DCUN1D5: variants seen among roughly 807,000 people sequenced by gnomAD.
DCUN1D5 encodes defective in cullin neddylation 1 domain containing 5, also known as DCN1-like protein 5.
DCUN1D5 carries 10 observed loss-of-function variants against 38.3 expected under a neutral mutation model. The ratio of observed to expected loss-of-function variants is 0.26; its 90% CI spans 0.16 to 0.44. The LOEUF (loss-of-function observed/expected upper bound fraction) is 0.44, where lower values mean the gene tolerates loss of function less well. Ranked by LOEUF, DCUN1D5 falls within the 20% of genes least tolerant of loss-of-function variation. The pLI is 1.00. For missense variants in DCUN1D5, 148 were observed against 275.3 expected, an observed-to-expected ratio of 0.54 and a Z score of 3.27; for synonymous variants, 93 against 90.9, an observed-to-expected ratio of 1.02 and a Z score of -0.13.
At chr11:103,080,986 C>A (rs917935907) in intron 4 of DCUN1D5, among the ~76,000 whole-genome samples, 2 of 150,368 alleles carry the variant, frequency 1.3e-5, no homozygotes, top group African/African-American at 2.4e-5. Context: ...TGTAGCCTGG[C>A]GACAAAGCAA....
In DCUN1D5 at chr11:103,062,465, A is replaced by C; in HGVS notation, c.659-51T>G. 6.5e-7 allele frequency: 1 copy of C among 1,536,490 alleles called. No homozygotes were observed. Among genetic ancestry groups the C allele is most frequent in the Non-Finnish European group, 9.0e-7 (1 of 1,115,968 alleles). On this transcript the variant is annotated intron_variant, in intron 7 of 7. Coordinates refer to ENST00000260247, the MANE Select transcript of DCUN1D5 (RefSeq NM_032299.4). The surrounding 1 kb of genome is among the most constrained non-coding windows in gnomAD (Gnocchi z 4.6). Reference sequence around the variant, plus strand: ...CAGAATTCAGTGAACTCATCTCTCCAATTATAAAACAAACTCCCCACGAGC... The same window carrying C: ...CAGAATTCAGTGAACTCATCTCTCCCATTATAAAACAAACTCCCCACGAGC...
In DCUN1D5 at chr11:103,077,962, C is replaced by A. The variant is rs113445747; in HGVS notation, c.341+4786G>T. Reference sequence around the variant, plus strand: ...CCCCAAATGCTAAATGAATGACAGTCACATCACACACGATGGCATTTCATT... The same window carrying A: ...CCCCAAATGCTAAATGAATGACAGTAACATCACACACGATGGCATTTCATT... On this transcript the variant is annotated intron_variant, in intron 4 of 7. Transcript: ENST00000260247. This position sits in a 1 kb window ranked among gnomAD's most constrained non-coding sequence, Gnocchi z 4.3. Among the ~76,000 whole-genome samples the A allele has an allele frequency of 2.6e-5, 4 of 152,184 alleles. No individual in the cohort carries two copies. The highest frequency in any genetic ancestry group is 9.6e-5 in the African/African-American group (4 of 41,514).
chr11:103,089,494 T>C (rs749094156), intron 1 of DCUN1D5, among the ~76,000 whole-genome samples, 176 bp from the exon 2 acceptor site: 21 of 152,166 alleles, frequency 1.4e-4, no homozygotes, highest in Admixed American at 1.1e-3. Flanking sequence ...CAGTAGTCTA[T>C]ACATAAGAAT....
In DCUN1D5 at chr11:103,092,132, G is replaced by A. The variant is rs1361445766; in HGVS notation, c.-260C>T. 2 of 442,730 alleles carry A rather than the reference G, an allele frequency of 4.5e-6. No individual in the cohort carries two copies. Among genetic ancestry groups the A allele is most frequent in the African/African-American group, 4.1e-5 (2 of 48,972 alleles). 27.4% of individuals were successfully genotyped at this position (442,730 alleles called of 1,614,324 possible). ...TCACCGGGAGGAGATAACGCGGACAGCGCGGCAGCTCCACCAGTCACAGCA... is the reference window on the plus strand; with the variant it reads ...TCACCGGGAGGAGATAACGCGGACAACGCGGCAGCTCCACCAGTCACAGCA... On this transcript the variant is annotated 5_prime_UTR_variant, in exon 1 of 8. Coordinates refer to ENST00000260247, the MANE Select transcript of DCUN1D5 (RefSeq NM_032299.4).
At chr11:103,082,979 A>G in intron 3 of DCUN1D5, 140 bp from the exon 4 acceptor site, 2 of 676,432 alleles carry the variant, frequency 3.0e-6, no homozygotes. Flanking sequence ...ATTATTAACT[A>G]TATACAAAGA....
At position 103,079,705 on chromosome 11, in the gene DCUN1D5, G is replaced by A. The variant is rs188182517; in HGVS notation, c.341+3043C>T. Among the ~76,000 whole-genome samples the A allele has an allele frequency of 2.5e-3, 378 of 151,534 alleles. 1 individual carries two copies. The highest frequency in any genetic ancestry group is 8.7e-3 in the African/African-American group (360 of 41,250). On this transcript the variant is annotated intron_variant, in intron 4 of 7. Coordinates refer to ENST00000260247, the MANE Select transcript of DCUN1D5 (RefSeq NM_032299.4). ...AGGCTGAAGTGGGAGGATTACTTGAGCCCAGGAGATTAGGTTGCAGTGAGC... is the reference window on the plus strand; with the variant it reads ...AGGCTGAAGTGGGAGGATTACTTGAACCCAGGAGATTAGGTTGCAGTGAGC...
intron 4 of DCUN1D5, among the ~76,000 whole-genome samples, chr11:103,080,473 C>A (rs1862530747): frequency 6.6e-6 from 1 of 151,950 alleles, no homozygotes; most frequent in African/African-American, 2.4e-5. Context: ...TGAAGAAAAA[C>A]ACTTTGTATT....
At chr11:103,089,950 A>T (rs908111597) in intron 1 of DCUN1D5, among the ~76,000 whole-genome samples, 3 of 150,318 alleles carry the variant, frequency 2.0e-5, no homozygotes, top group Non-Finnish European at 4.4e-5. Flanking sequence ...TTTTTTTCAT[A>T]AAATCATTTT....
Position 103,064,411 on chromosome 11 carries a change from AT to A in DCUN1D5, c.556-35del. 6.7e-7 allele frequency: 1 copy of A among 1,492,300 alleles called. No homozygotes were observed. The highest frequency in any genetic ancestry group is 9.1e-7 in the Non-Finnish European group (1 of 1,098,278). 92.4% of individuals were successfully genotyped at this position (1,492,300 alleles called of 1,614,324 possible). On this transcript the variant is annotated intron_variant, in intron 6 of 7. Coordinates refer to ENST00000260247, the MANE Select transcript of DCUN1D5 (RefSeq NM_032299.4). The surrounding 1 kb of genome is among the most constrained non-coding windows in gnomAD (Gnocchi z 4.5). The stretch of plus-strand genomic sequence containing the variant: ...ATGATTTAAATATTTGTATTTAAAT[AT>A]TTAAACAAACATCATTTACTCAATT...
Position 103,066,639 on chromosome 11 carries a change from C to T in DCUN1D5, c.342-72G>A, listed in dbSNP as rs1407345523. The T allele has an allele frequency of 1.3e-5, 11 of 850,928 alleles. No individual in the cohort carries two copies. Among genetic ancestry groups the T allele is most frequent in the Middle Eastern group, 3.5e-4 (1 of 2,844 alleles). The allele number at this position is 850,928 out of a possible 1,614,324, so 52.7% of individuals were successfully genotyped here. A position where few individuals can be genotyped will look rare whatever the true frequency, so the allele number is the denominator to read the frequency against. On this transcript the variant is annotated intron_variant, in intron 4 of 7. Transcript: ENST00000260247. This position sits in a 1 kb window ranked among gnomAD's most constrained non-coding sequence, Gnocchi z 4.7. Reference sequence around the variant, plus strand: ...AATAAAAGTATCACTGGGGGTTAGACGTAATGCATTAAGAAAAAAGTGAGC... The same window carrying T: ...AATAAAAGTATCACTGGGGGTTAGATGTAATGCATTAAGAAAAAAGTGAGC...
At position 103,078,221 on chromosome 11, in the gene DCUN1D5, G is replaced by C. The variant is rs1224963223; in HGVS notation, c.341+4527C>G. 6.6e-6 allele frequency among the ~76,000 whole-genome samples: 1 copy of C among 152,056 alleles called. No individual in the cohort carries two copies. The highest frequency in any genetic ancestry group is 1.5e-5 in the Non-Finnish European group (1 of 67,994). On this transcript the variant is annotated intron_variant, in intron 4 of 7. Coordinates refer to ENST00000260247, the MANE Select transcript of DCUN1D5 (RefSeq NM_032299.4). The surrounding 1 kb of genome is among the most constrained non-coding windows in gnomAD (Gnocchi z 4.6). ...ATAATCAAGTACGGTCCTCTTCAAA[G>C]GTCTATATTCAGTTTTCTCCACTGG... is the stretch of plus-strand genomic sequence containing the variant.
Position 103,086,374 on chromosome 11 carries a change from T to G in DCUN1D5, c.178+2853A>C, listed in dbSNP as rs1430053849. ...GCTAAGGGCTTTACATGTATTATTC[T>G]CAGTAGGCAAAATTATTGGCTTCAT... On this transcript the variant is annotated intron_variant, in intron 2 of 7. Coordinates refer to ENST00000260247, the MANE Select transcript of DCUN1D5 (RefSeq NM_032299.4). The surrounding 1 kb of genome is among the most constrained non-coding windows in gnomAD (Gnocchi z 4.1). Among the ~76,000 whole-genome samples, 1 of 152,214 alleles carries G rather than the reference T, an allele frequency of 6.6e-6. No individual in the cohort carries two copies.
rs1337508776 is a variant in DCUN1D5, at chr11:103,073,185, A to G, written c.342-6618T>C. ...TAGGTGTAATTCTAACAAAAGATGT[A>G]CAGGACGTATATGCCGAAAACTACA... On this transcript the variant is annotated intron_variant, in intron 4 of 7. Transcript: ENST00000260247. The surrounding 1 kb of genome is among the most constrained non-coding windows in gnomAD (Gnocchi z 4.2). 6.6e-6 allele frequency among the ~76,000 whole-genome samples: 1 copy of G among 152,198 alleles called. No individual in the cohort carries two copies. Among genetic ancestry groups the G allele is most frequent in the East Asian group, 1.9e-4 (1 of 5,202 alleles).
chr11:103,070,116 A>C (rs1862235224), intron 4 of DCUN1D5, among the ~76,000 whole-genome samples: 1 of 84,442 alleles, frequency 1.2e-5, no homozygotes, highest in Non-Finnish European at 2.7e-5. Flanking sequence ...AGTCTCAGCA[A>C]AAAAAAAAAA....
intron 1 of DCUN1D5, among the ~76,000 whole-genome samples, 190 bp from the exon 2 acceptor site, chr11:103,089,508 C>T (rs1269830021): frequency 2.6e-5 from 4 of 151,970 alleles, no homozygotes; most frequent in African/African-American, 9.7e-5. Context: ...TAAGAATTAT[C>T]GGCTAACAAA....
rs1423034789 is a variant in DCUN1D5 at position 103,077,948 on chromosome 11, AAATG to A, written c.341+4796_341+4799del. On this transcript the variant is annotated intron_variant, in intron 4 of 7. Transcript: ENST00000260247. The surrounding 1 kb of genome is among the most constrained non-coding windows in gnomAD (Gnocchi z 4.3). ...AATTAGTAGTTGGGCCCCAAATGCT[AAATG>A]AATGACAGTCACATCACACACGATG... Among the ~76,000 whole-genome samples the A allele has an allele frequency of 2.0e-5, 3 of 152,186 alleles. No individual in the cohort carries two copies. Among genetic ancestry groups the A allele is most frequent in the Non-Finnish European group, 4.4e-5 (3 of 68,042 alleles).
intron 4 of DCUN1D5, among the ~76,000 whole-genome samples, chr11:103,075,491 TC>T (rs1312484560): frequency 1.3e-5 from 2 of 152,110 alleles, no homozygotes; most frequent in African/African-American, 4.8e-5. Flanking sequence ...AAGTGATTCT[TC>T]TGCCTCACCC....
In DCUN1D5 at chr11:103,055,415, G is replaced by T. The variant is rs1861850191; in HGVS notation, c.*6944C>A. Reference sequence around the variant, plus strand: ...TAGCAATTTCCAACAATGAGAAAAAGAAACTAGCACTCCAGATGTTGTTAT... The same window carrying T: ...TAGCAATTTCCAACAATGAGAAAAATAAACTAGCACTCCAGATGTTGTTAT... On this transcript the variant is annotated 3_prime_UTR_variant, in exon 8 of 8. Coordinates refer to ENST00000260247, the MANE Select transcript of DCUN1D5 (RefSeq NM_032299.4). 6.6e-6 allele frequency: 1 copy of T among 152,090 alleles called. No individual in the cohort carries two copies. The highest frequency in any genetic ancestry group is 2.1e-4 in the South Asian group (1 of 4,822). 9.4% of individuals were successfully genotyped at this position (152,090 alleles called of 1,614,324 possible).
intron 4 of DCUN1D5, among the ~76,000 whole-genome samples, chr11:103,082,448 T>C (rs1026565397): frequency 4.5e-4 from 69 of 152,230 alleles, no homozygotes; most frequent in Middle Eastern, 3.4e-3. Flanking sequence ...AAAATCCTTA[T>C]ACTCAAACAA....
Sources: gnomAD v4.1 joint callset for allele counts (sites outside exome capture counted in the v4.1 genomes callset) on GRCh38, gnomAD v4.1.1 for gene constraint, Gnocchi (gnomAD v3.1) non-coding constraint, MANE v1.5 for transcripts, NCBI Gene and HGNC (gene_info 2026-07-23, HGNC 2026-07-21) for gene names.